The following PCDHA4 variants were observed in gnomAD, a reference collection of about 807,000 sequenced individuals.
PCDHA4 encodes the protein protocadherin alpha 4.
A neutral mutation model predicts 61.4 loss-of-function variants in PCDHA4; 49 were observed. The observed-to-expected ratio is 0.80, with a 90% CI of 0.63 to 1.01. The LOEUF (loss-of-function observed/expected upper bound fraction) is 1.01, where lower values mean the gene tolerates loss of function less well. Ranked by LOEUF, PCDHA4 falls within the 50% of genes least tolerant of loss-of-function variation. The probability of loss-of-function intolerance (pLI) is 0.00; values close to 1 mark genes in which losing one functional copy is unlikely to be tolerated. For synonymous variants in PCDHA4, 590 were observed against 550.3 expected, an observed-to-expected ratio of 1.07 and a Z score of -1.01; for missense variants, 1,254 against 1,235.8, an observed-to-expected ratio of 1.01 and a Z score of -0.22.
intron 1 of PCDHA4, chr5:140,881,486 T>G: frequency 2.8e-6 from 1 of 355,652 alleles, no homozygotes; most frequent in African/African-American, 2.2e-5. Flanking sequence ...ATTATTGTGT[T>G]TATGCACATA....
intron 1 of PCDHA4, chr5:140,849,320 G>A (rs1562454724): frequency 1.5e-6 from 2 of 1,335,992 alleles, no homozygotes; most frequent in East Asian, 2.4e-5. Context: ...GCTTGAATGG[G>A]GATATTATTT....
chr5:140,828,700 G>T (rs2150158039), intron 1 of PCDHA4: 3 of 1,614,210 alleles, frequency 1.9e-6, no homozygotes, highest in Non-Finnish European at 2.5e-6. Flanking sequence ...TGGACAGAGA[G>T]GAAGCTCCTG....
intron 1 of PCDHA4, among the ~76,000 whole-genome samples, chr5:140,909,916 C>T (rs1554194012): frequency 6.6e-6 from 1 of 152,138 alleles, no homozygotes; most frequent in African/African-American, 2.4e-5. Context: ...CAATCATTTC[C>T]CTTTCCCCAA....
intron 1 of PCDHA4, chr5:140,875,805 C>A: frequency 6.2e-7 from 1 of 1,614,172 alleles, no homozygotes; most frequent in Non-Finnish European, 8.5e-7. Context: ...TGATCGTGGA[C>A]AGGCCGCTGC....
chr5:140,842,218 G>A, intron 1 of PCDHA4: 1 of 1,613,154 alleles, frequency 6.2e-7, no homozygotes, highest in Non-Finnish European at 8.5e-7. Context: ...ATCGAAATAC[G>A]GGAGAAATAG....
chr5:140,967,610 T>A, intron 1 of PCDHA4: 1 of 1,614,108 alleles, frequency 6.2e-7, no homozygotes, highest in Non-Finnish European at 8.5e-7. Context: ...GCTGAATGCC[T>A]CAGACCCGGA....
In PCDHA4 at chr5:140,903,111, A is replaced by G. The variant is rs1002837275; in HGVS notation, c.2386-75838A>G. ...CATTGCTGGATCAAATAATAGCTCT[A>G]CTTCTAAATCTTTAAGAAATCTCCA... On this transcript the variant is annotated intron_variant, in intron 1 of 3. Transcript: ENST00000530339. Among the ~76,000 whole-genome samples, 13 of 152,306 alleles carry G rather than the reference A, an allele frequency of 8.5e-5. No individual in the cohort carries two copies. In the East Asian group the frequency reaches 2.5e-3, roughly 29 times the overall value.
intron 1 of PCDHA4, among the ~76,000 whole-genome samples, chr5:140,874,852 A>C (rs2153316930): frequency 6.6e-6 from 1 of 152,334 alleles, no homozygotes; most frequent in African/African-American, 2.4e-5. Context: ...GACATATTTT[A>C]GTTTCTTATC....
At chr5:140,830,524 T>G in intron 1 of PCDHA4, 1 of 1,314,736 alleles carries the variant, frequency 7.6e-7, no homozygotes. Context: ...ATTTTTATTT[T>G]AAATTTATAA....
In PCDHA4 at chr5:140,870,564, G is replaced by A. The variant is rs782511789; in HGVS notation, c.2385+60992G>A. ...GGGACGCGGACGCGCAGGAGAACGCGCTGGTGTCCTACTCGCTGGTGGAGC... is the reference window on the plus strand; with the variant it reads ...GGGACGCGGACGCGCAGGAGAACGCACTGGTGTCCTACTCGCTGGTGGAGC... On this transcript the variant is annotated intron_variant, in intron 1 of 3. Coordinates refer to ENST00000530339, the MANE Select transcript of PCDHA4 (RefSeq NM_018907.4). 2.5e-6 allele frequency: 4 copies of A among 1,613,884 alleles called. No individual in the cohort carries two copies. In the African/African-American group the frequency reaches 4.0e-5, roughly 16 times the overall value.
At chr5:140,851,273 G>C in intron 1 of PCDHA4, 1 of 1,057,916 alleles carries the variant, frequency 9.5e-7, no homozygotes, top group African/African-American at 1.7e-5. Flanking sequence ...TACTTGTATT[G>C]TTTATAAGAA....
At chr5:140,971,958 C>CT (rs1176007834) in intron 1 of PCDHA4, among the ~76,000 whole-genome samples, 3 of 152,054 alleles carry the variant, frequency 2.0e-5, no homozygotes, top group African/African-American at 4.8e-5. Context: ...ACTCCAAAAA[C>CT]TTTTTTTCAA....
At chr5:140,830,197 C>T (rs2150182627) in intron 1 of PCDHA4, 4 of 1,613,722 alleles carry the variant, frequency 2.5e-6, no homozygotes, top group Non-Finnish European at 3.4e-6. Context: ...ACCTGATCAT[C>T]GCCATCTGCG....
At chr5:140,824,610 G>GTTGTTTTTTTTTTTTTTTT (rs1768193318) in intron 1 of PCDHA4, 1 of 95,104 alleles carries the variant, frequency 1.1e-5, no homozygotes, top group African/African-American at 4.9e-5. Flanking sequence ...GCTAATTAAA[G>GTTGTTTTTTTTTTTTTTTT]TTTTTTTTTT....
At chr5:140,897,222 G>A (rs2065939417) in intron 1 of PCDHA4, among the ~76,000 whole-genome samples, 1 of 151,978 alleles carries the variant, frequency 6.6e-6, no homozygotes, top group Non-Finnish European at 1.5e-5. Context: ...TAGGGTACAT[G>A]TGCACAATGT....
intron 1 of PCDHA4, chr5:140,883,308 C>A: frequency 6.2e-7 from 1 of 1,614,102 alleles, no homozygotes; most frequent in Non-Finnish European, 8.5e-7. Context: ...AATGATAACG[C>A]CCCAGAGGTT....
intron 1 of PCDHA4, chr5:140,836,080 T>G: frequency 6.2e-7 from 1 of 1,613,702 alleles, no homozygotes; most frequent in South Asian, 1.1e-5. Flanking sequence ...CCGGCACTGC[T>G]GGCGCCTCGG....
intron 1 of PCDHA4, among the ~76,000 whole-genome samples, chr5:140,953,564 G>C (rs2094904127): frequency 6.6e-6 from 1 of 152,058 alleles, no homozygotes; most frequent in Non-Finnish European, 1.5e-5. Context: ...AAGTTTTAGT[G>C]CCCTCCTCTC....
intron 3 of PCDHA4, among the ~76,000 whole-genome samples, chr5:140,984,149 G>C (rs2097089041): frequency 6.6e-6 from 1 of 152,198 alleles, no homozygotes; most frequent in Non-Finnish European, 1.5e-5. Context: ...CATCTGGGAA[G>C]GTGAGAACTT....
Sources: gnomAD v4.1 joint callset for allele counts (sites outside exome capture counted in the v4.1 genomes callset) on GRCh38, gnomAD v4.1.1 for gene constraint, MANE v1.5 for transcripts, NCBI Gene and HGNC (gene_info 2026-07-23, HGNC 2026-07-21) for gene names.